SORBS2: variants seen among roughly 807,000 people sequenced by gnomAD.
SORBS2 encodes sorbin and SH3 domain-containing protein 2.
A neutral mutation model predicts 97.7 loss-of-function variants in SORBS2; 46 were observed. The observed-to-expected ratio is 0.47, with a 90% CI of 0.37 to 0.60. The LOEUF (loss-of-function observed/expected upper bound fraction) is 0.60, where lower values mean the gene tolerates loss of function less well. SORBS2 is among the 20% of genes least tolerant of loss of function. SORBS2 has a pLI of 0.00. For missense variants in SORBS2, 1,316 were observed against 1,282.3 expected, an observed-to-expected ratio of 1.03 and a Z score of -0.40; for synonymous variants, 476 against 473.4, an observed-to-expected ratio of 1.01 and a Z score of -0.07.
chr4:185,787,861 T>C (rs2099063403), intron 1 of SORBS2, among the ~76,000 whole-genome samples: 1 of 152,228 alleles, frequency 6.6e-6, no homozygotes. Flanking sequence ...TAACCTTGAA[T>C]CATAGCTGGA....
intron 4 of SORBS2, among the ~76,000 whole-genome samples, chr4:185,666,794 G>A (rs2097610051): frequency 6.6e-6 from 1 of 152,110 alleles, no homozygotes; most frequent in Admixed American, 6.5e-5. Flanking sequence ...AAATATCCTA[G>A]CAATGCAAAT....
chr4:185,830,900 G>A (rs765705188), intron 1 of SORBS2, among the ~76,000 whole-genome samples: 1 of 152,150 alleles, frequency 6.6e-6, no homozygotes, highest in Non-Finnish European at 1.5e-5. Context: ...TAGCCATTCT[G>A]CTAGAAAGGC....
chr4:185,764,182 T>C (rs890686072), intron 2 of SORBS2, among the ~76,000 whole-genome samples: 3 of 152,198 alleles, frequency 2.0e-5, no homozygotes, highest in Non-Finnish European at 4.4e-5. Flanking sequence ...CATAGTCCTG[T>C]AGCAACTGAG....
In SORBS2 at chr4:185,607,054, G is replaced by A. The variant is rs1206553837; in HGVS notation, c.2796+4726C>T. 1.9e-6 allele frequency: 2 copies of A among 1,029,190 alleles called. No homozygotes were observed. The highest frequency in any genetic ancestry group is 3.5e-5 in the African/African-American group (2 of 57,626). The allele number at this position is 1,029,190 out of a possible 1,614,324, so 63.8% of individuals were successfully genotyped here. A position where few individuals can be genotyped will look rare whatever the true frequency, so the allele number is the denominator to read the frequency against. On this transcript the variant is annotated intron_variant, in intron 12 of 14. Transcript: ENST00000418609. The surrounding 1 kb of genome is among the most constrained non-coding windows in gnomAD (Gnocchi z 5.2). ...CGCGTGAGTGGAAGGTGATTCGGCA[G>A]GTGCAGTCGCTGGGGACAATGGGAG...
intron 1 of SORBS2, among the ~76,000 whole-genome samples, chr4:185,799,484 G>A (rs1442027198): frequency 1.3e-5 from 2 of 152,170 alleles, no homozygotes; most frequent in Admixed American, 6.5e-5. Flanking sequence ...ATGGTAGGAC[G>A]AGCATTAGAG....
In SORBS2 at chr4:185,655,609, T is replaced by C. The variant is rs2097386091; in HGVS notation, c.24+1006A>G. Among the ~76,000 whole-genome samples the C allele has an allele frequency of 2.0e-5, 3 of 152,264 alleles. No homozygotes were observed. In the South Asian group the frequency reaches 6.2e-4, roughly 32 times the overall value. ...CTTCTGCATTGGTTATATTGTGTTT[T>C]CTATTTTATAGAAGGGAAACTGGCA... On this transcript the variant is annotated intron_variant, in intron 1 of 14. Coordinates refer to ENST00000418609, the Ensembl canonical transcript of SORBS2.
At chr4:185,729,432 A>G (rs2098596146) in intron 2 of SORBS2, among the ~76,000 whole-genome samples, 2 of 152,220 alleles carry the variant, frequency 1.3e-5, no homozygotes, top group South Asian at 4.1e-4. Flanking sequence ...GGGGAACTAG[A>G]CTCTCAGGGC....
intron 2 of SORBS2, among the ~76,000 whole-genome samples, chr4:185,709,320 T>TTTATTTTTTTA: frequency 7.1e-6 from 1 of 141,038 alleles, no homozygotes; most frequent in African/African-American, 2.6e-5. Context: ...TTTTTTTTTT[T>TTTATTTTTTTA]TTTTAGTAAA....
At chr4:185,937,610 C>T (rs2099269568) in intron 1 of SORBS2, among the ~76,000 whole-genome samples, 1 of 152,070 alleles carries the variant, frequency 6.6e-6, no homozygotes, top group African/African-American at 2.4e-5. Context: ...ATGCATTTAG[C>T]AGGGCTCTAC....
intron 1 of SORBS2, among the ~76,000 whole-genome samples, chr4:185,820,779 T>A (rs1221303896): frequency 1.3e-5 from 2 of 152,238 alleles, no homozygotes; most frequent in Non-Finnish European, 2.9e-5. Context: ...ATTTACTTAA[T>A]CTCTGTCTGT....
At chr4:185,747,742 G>A (rs1008250245) in intron 2 of SORBS2, among the ~76,000 whole-genome samples, 2 of 152,184 alleles carry the variant, frequency 1.3e-5, no homozygotes, top group African/African-American at 4.8e-5. Flanking sequence ...GCTCACACCT[G>A]TAATCCCAGC....
chr4:185,612,037 T>C, intron 11 of SORBS2, 57 bp from the exon 24 acceptor site: 1 of 1,196,484 alleles, frequency 8.4e-7, no homozygotes, highest in Non-Finnish European at 1.2e-6. Context: ...CATGAAAATA[T>C]AATTGTCAAT....
At chr4:185,824,150 A>G (rs2099198439) in intron 1 of SORBS2, among the ~76,000 whole-genome samples, 1 of 152,190 alleles carries the variant, frequency 6.6e-6, no homozygotes, top group Non-Finnish European at 1.5e-5. Flanking sequence ...GGAGGCCAGA[A>G]GTCAGCAGAT....
At chr4:185,835,939 C>T (rs904697373) in intron 1 of SORBS2, among the ~76,000 whole-genome samples, 3 of 152,000 alleles carry the variant, frequency 2.0e-5, no homozygotes, top group African/African-American at 7.2e-5. Context: ...CAGCTTATTG[C>T]TGCTCTTCTT....
intron 1 of SORBS2, among the ~76,000 whole-genome samples, chr4:185,886,284 G>A (rs1304510411): frequency 2.6e-5 from 4 of 152,110 alleles, no homozygotes; most frequent in Admixed American, 6.5e-5. Flanking sequence ...CACCCAGTGC[G>A]GTGGCTCACG....
chr4:185,595,950 A>G (rs1005830122), intron 12 of SORBS2, among the ~76,000 whole-genome samples: 6 of 152,192 alleles, frequency 3.9e-5, no homozygotes, highest in African/African-American at 1.4e-4. Flanking sequence ...ACTGTACTCA[A>G]AAGTAACTTG....
intron 1 of SORBS2, among the ~76,000 whole-genome samples, chr4:185,852,526 T>C (rs2149688222): frequency 6.6e-6 from 1 of 152,338 alleles, no homozygotes; most frequent in African/African-American, 2.4e-5. Flanking sequence ...GTCATTTGGT[T>C]GTTTTGTAGT....
Position 185,888,603 on chromosome 4 carries a change from T to C in SORBS2, c.-338+67593A>G, listed in dbSNP as rs140113994. Among the ~76,000 whole-genome samples the C allele has an allele frequency of 4.4e-3, 668 of 152,378 alleles. 4 individuals carry two copies. Among genetic ancestry groups the C allele is most frequent in the African/African-American group, 0.015 (639 of 41,584 alleles). On this transcript the variant is annotated intron_variant, in intron 1 of 20. Transcript: ENST00000284776. Reference sequence around the variant, plus strand: ...CAACCATATGAAACAAATAGTGTTCTTTCTTCTAGAGTTTGTTTTCCTACC... The same window carrying C: ...CAACCATATGAAACAAATAGTGTTCCTTCTTCTAGAGTTTGTTTTCCTACC...
upstream of SORBS2, among the ~76,000 whole-genome samples, chr4:185,660,893 A>G (rs116496230): frequency 3.3e-3 from 497 of 152,316 alleles, 3 homozygotes; most frequent in African/African-American, 0.011. Context: ...GACATCATGG[A>G]AACTTGTACA....
Sources: allele counts gnomAD v4.1 joint callset (sites outside exome capture counted in the v4.1 genomes callset), GRCh38; gene constraint gnomAD v4.1.1; non-coding constraint Gnocchi (gnomAD v3.1); transcripts MANE v1.5; gene names NCBI Gene and HGNC (gene_info 2026-07-23, HGNC 2026-07-21).